The following NCAM2 variants were observed in gnomAD, a reference collection of about 807,000 sequenced individuals.
NCAM2 encodes neural cell adhesion molecule 2, also known as N-CAM-2.
Under a neutral mutation model 98.1 loss-of-function variants are expected in NCAM2, and 30 were observed. The ratio of observed to expected loss-of-function variants is 0.31; its 90% CI spans 0.23 to 0.41. The LOEUF (loss-of-function observed/expected upper bound fraction) is 0.41. NCAM2 is among the 10% of genes least tolerant of loss of function. The pLI, the probability that NCAM2 is intolerant of heterozygous loss-of-function variation, is 1.00. For missense variants in NCAM2, 867 were observed against 1,005.8 expected, an observed-to-expected ratio of 0.86 and a Z score of 1.87; for synonymous variants, 368 against 342.4, an observed-to-expected ratio of 1.07 and a Z score of -0.83.
At chr21:21,257,331 A>G (rs2071711329) in intron 1 of NCAM2, among the ~76,000 whole-genome samples, 1 of 152,188 alleles carries the variant, frequency 6.6e-6, no homozygotes, top group South Asian at 2.1e-4. Flanking sequence ...AAAGAACGAA[A>G]TAAACTGTTT....
chr21:21,389,825 G>A lies in NCAM2; in HGVS notation c.1195+15812G>A, dbSNP rs536791975. Among the ~76,000 whole-genome samples the A allele has an allele frequency of 2.0e-5, 3 of 152,276 alleles. No individual in the cohort carries two copies. The South Asian group carries it at 6.2e-4, about 32-fold the overall frequency. On this transcript the variant is annotated intron_variant, in intron 9 of 17. Coordinates refer to ENST00000400546, the MANE Select transcript of NCAM2 (RefSeq NM_004540.5). ...TTTCTTTATCCATTCATGCACTGGT[G>A]AACACTTAGGTTGATTCCATATTAT...
In NCAM2 at chr21:21,314,670, C is replaced by T. The variant is rs150771004; in HGVS notation, c.620-9713C>T. Among the ~76,000 whole-genome samples the T allele has an allele frequency of 3.8e-3, 581 of 152,084 alleles. 4 individuals carry two copies. Among genetic ancestry groups the T allele is most frequent in the African/African-American group, 0.014 (561 of 41,518 alleles). On this transcript the variant is annotated intron_variant, in intron 5 of 17. Transcript: ENST00000400546. ...ATTCACTTTTTCCTTTAATATGTTTCCTTTTGTTTTCAAAATTGGATAACT... is the reference window on the plus strand; with the variant it reads ...ATTCACTTTTTCCTTTAATATGTTTTCTTTTGTTTTCAAAATTGGATAACT...
At position 21,455,717 on chromosome 21, in the gene NCAM2, A is replaced by G. The variant is rs551219218; in HGVS notation, c.1655-10889A>G. On this transcript the variant is annotated intron_variant, in intron 12 of 17. Coordinates refer to ENST00000400546, the MANE Select transcript of NCAM2 (RefSeq NM_004540.5). ...GTGAAAATCTCGGCAAACCATTCAT[A>G]TTAATTCATTTAAAATATTTAAATA... Among the ~76,000 whole-genome samples the G allele has an allele frequency of 2.0e-5, 3 of 152,142 alleles. No homozygotes were observed. In the South Asian group the frequency reaches 6.2e-4, roughly 32 times the overall value.
intron 1 of NCAM2, among the ~76,000 whole-genome samples, chr21:21,193,782 C>A (rs1209543196): frequency 6.6e-6 from 1 of 152,094 alleles, no homozygotes; most frequent in Non-Finnish European, 1.5e-5. Flanking sequence ...GCATGAGCCA[C>A]CGCACCTGGC....
chr21:21,006,231 G>A (rs1259677049), intron 1 of NCAM2, among the ~76,000 whole-genome samples: 1 of 152,186 alleles, frequency 6.6e-6, no homozygotes, highest in Non-Finnish European at 1.5e-5. Context: ...CATGGGTTGG[G>A]AGTGGTGGCT....
intron 1 of NCAM2, among the ~76,000 whole-genome samples, chr21:21,163,120 C>T (rs190001364): frequency 1.3e-5 from 2 of 152,134 alleles, no homozygotes; most frequent in Admixed American, 1.3e-4. Flanking sequence ...TATTTCTGTC[C>T]TTGGTGTACA....
chr21:21,308,633 G>A (rs960593622), intron 5 of NCAM2, among the ~76,000 whole-genome samples: 4 of 151,980 alleles, frequency 2.6e-5, no homozygotes, highest in South Asian at 2.1e-4. Context: ...CCAGGTTTTG[G>A]TGATGACCTT....
chr21:21,073,671 C>T (rs1295761361), intron 1 of NCAM2, among the ~76,000 whole-genome samples: 1 of 152,160 alleles, frequency 6.6e-6, no homozygotes, highest in Non-Finnish European at 1.5e-5. Context: ...TAACATACCT[C>T]AGACCGAGTA....
At chr21:21,354,086 TATA>T (rs560196163) in intron 8 of NCAM2, among the ~76,000 whole-genome samples, 230 of 152,302 alleles carry the variant, frequency 1.5e-3, no homozygotes, top group Non-Finnish European at 2.7e-3. Context: ...TGTATATGAA[TATA>T]ATGTTTTATA....
intron 1 of NCAM2, among the ~76,000 whole-genome samples, chr21:21,000,563 T>C (rs1399364861): frequency 1.3e-5 from 2 of 152,034 alleles, no homozygotes; most frequent in South Asian, 4.2e-4. Context: ...TACGAGGTGG[T>C]TATGAAGAGG....
At chr21:21,048,165 T>C (rs1463653919) in intron 1 of NCAM2, among the ~76,000 whole-genome samples, 1 of 152,204 alleles carries the variant, frequency 6.6e-6, no homozygotes, top group Admixed American at 6.5e-5. Context: ...CTCTGAAGTC[T>C]GCTATCTGAG....
At chr21:21,469,128 A>G (rs1185433502) in intron 14 of NCAM2, among the ~76,000 whole-genome samples, 8 of 151,988 alleles carry the variant, frequency 5.3e-5, no homozygotes, top group Non-Finnish European at 1.5e-5. Context: ...CCTGGCAATC[A>G]TATGTTAGGT....
chr21:21,040,153 T>C (rs1391724411), intron 1 of NCAM2, among the ~76,000 whole-genome samples: 1 of 152,176 alleles, frequency 6.6e-6, no homozygotes, highest in African/African-American at 2.4e-5. Context: ...TATAGAGTTA[T>C]AGAATTTTAG....
intron 1 of NCAM2, among the ~76,000 whole-genome samples, chr21:21,013,754 CT>C (rs988270993): frequency 6.7e-6 from 1 of 149,536 alleles, no homozygotes; most frequent in Non-Finnish European, 1.5e-5. Flanking sequence ...GCACTCTAGT[CT>C]GGGCAAAAAG....
At chr21:21,214,333 C>A (rs1319276893) in intron 1 of NCAM2, among the ~76,000 whole-genome samples, 1 of 152,074 alleles carries the variant, frequency 6.6e-6, no homozygotes, top group Non-Finnish European at 1.5e-5. Flanking sequence ...AAATAGCTAG[C>A]TCCATTATTC....
chr21:21,056,254 T>G (rs2065207689), intron 1 of NCAM2, among the ~76,000 whole-genome samples: 1 of 152,092 alleles, frequency 6.6e-6, no homozygotes, highest in Non-Finnish European at 1.5e-5. Flanking sequence ...AGCTTTCCCT[T>G]TGATTAACAG....
intron 1 of NCAM2, among the ~76,000 whole-genome samples, chr21:21,111,218 A>G (rs2066447850): frequency 6.6e-6 from 1 of 152,210 alleles, no homozygotes; most frequent in Non-Finnish European, 1.5e-5. Context: ...CACAGTAGCC[A>G]TATTGTAACA....
intron 5 of NCAM2, among the ~76,000 whole-genome samples, chr21:21,298,483 A>G (rs987735460): frequency 1.3e-5 from 2 of 151,684 alleles, no homozygotes; most frequent in African/African-American, 4.8e-5. Context: ...AGAATAGGCA[A>G]TCTGGGAACA....
At chr21:21,144,231 C>A (rs2067227577) in intron 1 of NCAM2, among the ~76,000 whole-genome samples, 1 of 151,894 alleles carries the variant, frequency 6.6e-6, no homozygotes, top group Admixed American at 6.6e-5. Flanking sequence ...TGCCTGTAAT[C>A]CCTGCTACTC....
Sources: allele counts gnomAD v4.1 joint callset (sites outside exome capture counted in the v4.1 genomes callset), GRCh38; gene constraint gnomAD v4.1.1; transcripts MANE v1.5; gene names NCBI Gene and HGNC (gene_info 2026-07-23, HGNC 2026-07-21).